The following TTYH3 variants were observed in gnomAD, a reference collection of about 807,000 sequenced individuals.
TTYH3 encodes tweety family member 3.
Under a neutral mutation model 68.2 loss-of-function variants are expected in TTYH3, and 23 were observed. The ratio of observed to expected loss-of-function variants is 0.34; its 90% CI spans 0.24 to 0.48. TTYH3 has a LOEUF of 0.48. Among genes scored for constraint, TTYH3 ranks in the 20% least tolerant of loss-of-function variants. The pLI is 0.99. For missense variants in TTYH3, 768 were observed against 727.7 expected (o/e 1.06, Z -0.64); for synonymous variants, 360 against 332.8 (o/e 1.08, Z -0.89).
chr7:2,639,382 C>G (rs1003980212), intron 1 of TTYH3, among the ~76,000 whole-genome samples: 4 of 152,214 alleles, frequency 2.6e-5, no homozygotes, highest in Non-Finnish European at 5.9e-5. Flanking sequence ...AGTGCCCTCC[C>G]CCACCTGTTG....
Position 2,646,839 on chromosome 7 carries a change from C to A in TTYH3, c.124-14C>A, listed in dbSNP as rs760336852. Reference sequence around the variant, plus strand: ...GGGTCCACCCCTCCAGCGCCGCTTCCTGCCTGCCCTCAGGCCCTGCTGCTC... The same window carrying A: ...GGGTCCACCCCTCCAGCGCCGCTTCATGCCTGCCCTCAGGCCCTGCTGCTC... On this transcript the variant is annotated splice_polypyrimidine_tract_variant and intron_variant, in intron 1 of 13. Transcript: ENST00000258796. 1 of 1,591,048 alleles carries A rather than the reference C, an allele frequency of 6.3e-7. No homozygotes were observed. Among genetic ancestry groups the A allele is most frequent in the Non-Finnish European group, 8.5e-7 (1 of 1,176,094 alleles).
rs746403509 is a variant in TTYH3, at chr7:2,661,618, C to A, written c.1501-50C>A. On this transcript the variant is annotated intron_variant, in intron 13 of 13. Coordinates refer to ENST00000258796, the MANE Select transcript of TTYH3 (RefSeq NM_025250.3). The stretch of plus-strand genomic sequence containing the variant: ...ACCACGCGGAAGGCGCCCCTGGCTG[C>A]GTGCGCCATGCAGGGGCCCTGCTGA... 7.7e-6 allele frequency: 12 copies of A among 1,567,470 alleles called. No individual in the cohort carries two copies. The South Asian group carries it at 1.4e-4, about 18-fold the overall frequency.
At chr7:2,654,135 C>G (rs1786267952) in intron 9 of TTYH3, among the ~76,000 whole-genome samples, 1 of 152,200 alleles carries the variant, frequency 6.6e-6, no homozygotes, top group Non-Finnish European at 1.5e-5. Context: ...GCACTCATGC[C>G]TGTCATCTCA....
rs1375203376 is a variant in TTYH3, at chr7:2,660,596, A to G, written c.1501-1072A>G. The G allele has an allele frequency of 6.4e-6, 6 of 935,810 alleles. No homozygotes were observed. In the Admixed American group the frequency reaches 2.9e-4, roughly 45 times the overall value. 58.0% of individuals were successfully genotyped at this position (935,810 alleles called of 1,614,324 possible). ...CCCCCATCCCCTCCCCTTGTGCTGCATGTCAGTGGAATGACGAGGCTCCGG... is the reference window on the plus strand; with the variant it reads ...CCCCCATCCCCTCCCCTTGTGCTGCGTGTCAGTGGAATGACGAGGCTCCGG... On this transcript the variant is annotated intron_variant, in intron 13 of 13. Coordinates refer to ENST00000258796, the MANE Select transcript of TTYH3 (RefSeq NM_025250.3).
chr7:2,658,501 C>T, intron 12 of TTYH3, 42 bp downstream of exon 12: 1 of 1,574,424 alleles, frequency 6.4e-7, no homozygotes, highest in Non-Finnish European at 8.7e-7. Flanking sequence ...GACACGTCAG[C>T]TGCGGCTGAG....
Position 2,649,602 on chromosome 7 carries a change from G to C in TTYH3, c.758G>C (p.Ser253Thr). ...CLLGVLALVI[S>T]WGALGLELAV... ...CTGGGAGTCCTGGCCCTGGTCATCA[G>C]CTGGGGCGCGCTGGGCTTGGAGCTG... is the stretch of plus-strand genomic sequence containing the variant. The change falls in exon 6 of 14, where the codon AGC (serine) becomes ACC (threonine). Residue 253 changes from serine (S) to threonine (T), a missense_variant. Coordinates refer to ENST00000258796, the MANE Select transcript of TTYH3 (RefSeq NM_025250.3). 5 of 1,597,864 alleles carry C rather than the reference G, an allele frequency of 3.1e-6. No individual in the cohort carries two copies. Among genetic ancestry groups the C allele is most frequent in the Middle Eastern group, 3.3e-4 (2 of 6,024 alleles).
chr7:2,658,259 G>A, intron 11 of TTYH3, 27 bp from the exon 12 acceptor site: 1 of 1,514,520 alleles, frequency 6.6e-7, no homozygotes, highest in Non-Finnish European at 8.9e-7. Context: ...TGGGGCCTGA[G>A]CCCGTGCTGC....
At chr7:2,651,088 G>T (rs902160111) in intron 7 of TTYH3, among the ~76,000 whole-genome samples, 2 of 152,086 alleles carry the variant, frequency 1.3e-5, no homozygotes, top group Non-Finnish European at 2.9e-5. Context: ...TGCGATGTGT[G>T]TCGGACGGCA....
Position 2,647,197 on chromosome 7 carries a change from A to G in TTYH3, c.349A>G (p.Arg117Gly), listed in dbSNP as rs372276388. ...CGGGGAGACCAGTGATGGCATCCAT[A>G]GGGCCACCTACTCGCTCCGCCACGC... is the stretch of plus-strand genomic sequence containing the variant. ...GNGETSDGIH[R>G]ATYSLRHANR... The change falls in exon 3 of 14, where the codon AGG (arginine) becomes GGG (glycine). Residue 117 changes from arginine (R) to glycine (G), a missense_variant. Transcript: ENST00000258796. The G allele has an allele frequency of 8.4e-5, 135 of 1,606,450 alleles. 1 individual carries two copies. The highest frequency in any genetic ancestry group is 1.6e-4 in the Middle Eastern group (1 of 6,076).
At position 2,632,183 on chromosome 7, in the gene TTYH3, T is replaced by G. The variant is rs1368649197; in HGVS notation, c.28T>G (p.Trp10Gly). Reference protein sequence around the residue: MAGVSYAAPWWVSLLHRLPH... With the variant: MAGVSYAAPGWVSLLHRLPH... The stretch of plus-strand genomic sequence containing the variant: ...GGCCGGGGTCAGCTACGCGGCGCCC[T>G]GGTGGGTGAGCCTCCTGCACCGGCT... Residue 10 changes from tryptophan (W) to glycine (G), a missense_variant, in exon 1 of 14, where the codon TGG (tryptophan) becomes GGG (glycine). Physicochemically the swap from Trp to Gly is radical, Grantham distance 184. Transcript: ENST00000258796. 6.6e-7 allele frequency: 1 copy of G among 1,514,236 alleles called. No individual in the cohort carries two copies. The highest frequency in any genetic ancestry group is 8.9e-7 in the Non-Finnish European group (1 of 1,124,894). 93.8% of individuals were successfully genotyped at this position (1,514,236 alleles called of 1,614,324 possible). A position where few individuals can be genotyped will look rare whatever the true frequency, so the allele number is the denominator to read the frequency against.
chr7:2,639,358 G>GTCC (rs1785766467), intron 1 of TTYH3, among the ~76,000 whole-genome samples: 1 of 152,210 alleles, frequency 6.6e-6, no homozygotes, highest in Admixed American at 6.5e-5. Context: ...GGCTGACACT[G>GTCC]TCCCCGGGCC....
intron 6 of TTYH3, 136 bp from the exon 7 acceptor site, chr7:2,649,777 A>C: frequency 7.1e-7 from 1 of 1,412,836 alleles, no homozygotes; most frequent in Non-Finnish European, 9.8e-7. Flanking sequence ...CCATGGGCAC[A>C]GTCCACCTGT....
At chr7:2,656,663 G>T in intron 11 of TTYH3, 129 bp downstream of exon 11, 1 of 1,160,212 alleles carries the variant, frequency 8.6e-7, no homozygotes, top group Non-Finnish European at 1.2e-6. Flanking sequence ...TCCTCACCTC[G>T]TGACCCTCCC....
chr7:2,661,776 T>G lies in TTYH3; in HGVS notation c.*37T>G, dbSNP rs763019661. The stretch of plus-strand genomic sequence containing the variant: ...CAGCCACCCACCCCACGTGCCAACT[T>G]CCCCTCCCCGTGCCAGCACTGCCGC... On this transcript the variant is annotated 3_prime_UTR_variant, in exon 14 of 14. Transcript: ENST00000258796. 5.7e-6 allele frequency: 9 copies of G among 1,588,106 alleles called. No individual in the cohort carries two copies. The East Asian group carries it at 2.1e-4, about 36-fold the overall frequency.
chr7:2,658,117 C>A (rs1013827660), intron 11 of TTYH3, among the ~76,000 whole-genome samples, 169 bp from the exon 12 acceptor site: 8 of 152,248 alleles, frequency 5.3e-5, no homozygotes, highest in East Asian at 1.9e-4. Context: ...AAGGGCAGGG[C>A]TGGATGCAGA....
chr7:2,656,412 G>A lies in TTYH3; in HGVS notation c.1128G>A (p.Ala376=), dbSNP rs766463715. 15 of 1,610,412 alleles carry A rather than the reference G, an allele frequency of 9.3e-6. No individual in the cohort carries two copies. The highest frequency in any genetic ancestry group is 4.0e-5 in the African/African-American group (3 of 74,840). The change falls in exon 11 of 14, where the codon GCG becomes GCA. Residue 376 remains alanine, a synonymous_variant. Transcript: ENST00000258796. The part of the protein sequence containing the change: ...CRSLHLDYVQ[A]LTGFCYDGVE... ...CACGGCCTCAGGACTACGTGCAAGC[G>A]CTGACCGGCTTCTGCTATGACGGCG...
intron 13 of TTYH3, chr7:2,660,623 C>T (rs931846064): frequency 7.7e-6 from 7 of 907,910 alleles, no homozygotes; most frequent in African/African-American, 5.7e-5. Flanking sequence ...AGGCTCCGGG[C>T]CGTGGCTCCT....
At chr7:2,647,369 G>A (rs1425882663) in intron 3 of TTYH3, 49 bp from the exon 4 acceptor site, 1 of 1,463,494 alleles carries the variant, frequency 6.8e-7, no homozygotes, top group Non-Finnish European at 9.0e-7. Flanking sequence ...CCCAGACTCT[G>A]GGGCGAGGCG....
At position 2,638,662 on chromosome 7, in the gene TTYH3, C is replaced by T. The variant is rs117703628; in HGVS notation, c.123+6384C>T. On this transcript the variant is annotated intron_variant, in intron 1 of 13. Transcript: ENST00000258796. ...CTGCTGGCTGCACGTCCTCCAGGCA[C>T]GGCCAGGAGCTCACCGTCATGGAAT... Among the ~76,000 whole-genome samples the T allele has an allele frequency of 1.5e-3, 222 of 152,328 alleles. 1 individual carries two copies. The East Asian group carries it at 0.032, about 22-fold the overall frequency.
Sources: gnomAD v4.1 joint callset for allele counts (sites outside exome capture counted in the v4.1 genomes callset) on GRCh38, gnomAD v4.1.1 for gene constraint, MANE v1.5 for transcripts, NCBI Gene and HGNC (gene_info 2026-07-23, HGNC 2026-07-21) for gene names.